Variants in WIPF2 observed in about 807,000 individuals in gnomAD.
The protein encoded by WIPF2 is WAS/WASL interacting protein family member 2, also known as WAS/WASL-interacting protein family member 2.
Under a neutral mutation model 38.8 loss-of-function variants are expected in WIPF2, and 23 were observed. That is an observed-to-expected ratio of 0.59 (90% CI 0.43 to 0.84). The LOEUF (loss-of-function observed/expected upper bound fraction) is 0.84. Among genes scored for constraint, WIPF2 ranks in the 40% least tolerant of loss-of-function variants. The pLI, the probability that WIPF2 is intolerant of heterozygous loss-of-function variation, is 0.00. For missense variants in WIPF2, 574 were observed against 580.5 expected (o/e 0.99, Z 0.11); for synonymous variants, 210 against 223.2 (o/e 0.94, Z 0.53).
chr17:40,267,524 G>C (rs929906520), intron 5 of WIPF2, among the ~76,000 whole-genome samples: 5 of 152,020 alleles, frequency 3.3e-5, no homozygotes, highest in Admixed American at 2.6e-4. Flanking sequence ...ACAGCTTCTT[G>C]GCCTTTATTT....
At chr17:40,252,644 A>G (rs903439089) in intron 1 of WIPF2, among the ~76,000 whole-genome samples, 4 of 151,490 alleles carry the variant, frequency 2.6e-5, no homozygotes, top group African/African-American at 9.7e-5. Context: ...AGCCTAGGCA[A>G]CAGAGACTCT....
At chr17:40,243,520 GT>G (rs897507856) in intron 1 of WIPF2, among the ~76,000 whole-genome samples, 25 of 146,684 alleles carry the variant, frequency 1.7e-4, no homozygotes, top group Admixed American at 8.2e-4. Flanking sequence ...GATTTTTCAG[GT>G]TTTTTTTTTT....
chr17:40,276,872 A>G (rs2032420187), intron 6 of WIPF2, among the ~76,000 whole-genome samples: 1 of 152,216 alleles, frequency 6.6e-6, no homozygotes, highest in African/African-American at 2.4e-5. Context: ...ACTACTTAGT[A>G]CAGAGAGGTT....
chr17:40,255,628 A>ATTTTT (rs1174598826), intron 1 of WIPF2, among the ~76,000 whole-genome samples: 1 of 129,378 alleles, frequency 7.7e-6, no homozygotes, highest in Non-Finnish European at 1.7e-5. Flanking sequence ...CCCGGCCTAA[A>ATTTTT]TTTTTTTTTT....
intron 5 of WIPF2, among the ~76,000 whole-genome samples, chr17:40,267,724 G>A (rs750865192): frequency 4.5e-4 from 69 of 152,146 alleles, no homozygotes; most frequent in Non-Finnish European, 8.1e-4. Context: ...ATTTTTAGTA[G>A]AAACGGGTTT....
chr17:40,276,483 C>T (rs1344967567), intron 6 of WIPF2, among the ~76,000 whole-genome samples: 12 of 140,890 alleles, frequency 8.5e-5, no homozygotes, highest in African/African-American at 2.9e-4. Flanking sequence ...ATCATGCCAC[C>T]GCACCCCAGT....
Position 40,256,493 on chromosome 17 carries a change from G to C in WIPF2, c.34G>C (p.Gly12Arg). 3 of 1,605,522 alleles carry C rather than the reference G, an allele frequency of 1.9e-6. No individual in the cohort carries two copies. Among genetic ancestry groups the C allele is most frequent in the Non-Finnish European group, 2.5e-6 (3 of 1,176,780 alleles). The change falls in exon 2 of 8, where the codon GGT (glycine) becomes CGT (arginine). Residue 12 changes from glycine (G) to arginine (R), a missense_variant. Transcript: ENST00000323571. ...TCCTCCTCCCCCGCCACCCCCACCT[G>C]GTCCTCCTCCACCTCCCACATTTCA... ...PIPPPPPPPP[G>R]PPPPPTFHQA...
chr17:40,262,063 T>G (rs1181794433), intron 3 of WIPF2, among the ~76,000 whole-genome samples: 1 of 139,716 alleles, frequency 7.2e-6, no homozygotes, highest in Admixed American at 7.8e-5. Flanking sequence ...TTCCTTTCTT[T>G]TCTTTTCTTT....
intron 2 of WIPF2, among the ~76,000 whole-genome samples, chr17:40,259,163 GC>G (rs386796980): frequency 1.3e-5 from 2 of 150,784 alleles, no homozygotes; most frequent in African/African-American, 4.9e-5. Flanking sequence ...ACAGGTGTGA[GC>G]CACTGTGCCG....
At chr17:40,239,691 CTTTTTTTT>C (rs748169841) in intron 1 of WIPF2, among the ~76,000 whole-genome samples, 1 of 107,178 alleles carries the variant, frequency 9.3e-6, no homozygotes, top group Non-Finnish European at 1.9e-5. Context: ...TTCAGCTTTT[CTTTTTTTT>C]TTTTTTTTTT....
chr17:40,226,697 G>A (rs2030506299), intron 1 of WIPF2, among the ~76,000 whole-genome samples: 2 of 152,254 alleles, frequency 1.3e-5, no homozygotes, highest in Middle Eastern at 3.4e-3. Flanking sequence ...TTAGAAATAA[G>A]AACAGAACTG....
chr17:40,219,368 TGGCGGCGGCGGCGGCGGCGGCGGC>T lies in WIPF2; in HGVS notation c.-186_-163del, dbSNP rs60253561. On this transcript the variant is annotated 5_prime_UTR_variant, in exon 1 of 8. Coordinates refer to ENST00000323571, the MANE Select transcript of WIPF2 (RefSeq NM_133264.5). ...ATTTCCGGGTTGGCAAAAGGGGCGG[TGGCGGCGGCGGCGGCGGCGGCGGC>T]GGCGGCGACGGCGAGAAAGAGCTTG... is the stretch of plus-strand genomic sequence containing the variant. 39 of 379,766 alleles carry T rather than the reference TGGCGGCGGCGGCGGCGGCGGCGGC, an allele frequency of 1.0e-4. No individual in the cohort carries two copies. Among genetic ancestry groups the T allele is most frequent in the African/African-American group, 2.3e-4 (10 of 42,838 alleles). The allele number at this position is 379,766 out of a possible 1,614,324, so 23.5% of individuals were successfully genotyped here. A position where few individuals can be genotyped will look rare whatever the true frequency, so the allele number is the denominator to read the frequency against.
At chr17:40,269,600 CTTTTTTTTTTT>C (rs1018733815) in intron 5 of WIPF2, among the ~76,000 whole-genome samples, 15 of 109,796 alleles carry the variant, frequency 1.4e-4, no homozygotes, top group African/African-American at 5.2e-4. Flanking sequence ...AAAACACTGT[CTTTTTTTTTTT>C]TTTTTTTTTT....
At chr17:40,232,054 C>T (rs1205704623) in intron 1 of WIPF2, among the ~76,000 whole-genome samples, 1 of 149,064 alleles carries the variant, frequency 6.7e-6, no homozygotes, top group Non-Finnish European at 1.5e-5. Context: ...GCTTTGTCAC[C>T]CAGGCTGGAG....
At chr17:40,263,277 A>G (rs1240848509) in intron 4 of WIPF2, among the ~76,000 whole-genome samples, 1 of 152,028 alleles carries the variant, frequency 6.6e-6, no homozygotes, top group East Asian at 1.9e-4. Flanking sequence ...TTAGAGTCTC[A>G]TAAGGGGCAT....
intron 1 of WIPF2, among the ~76,000 whole-genome samples, chr17:40,224,982 T>C (rs2030418746): frequency 6.6e-6 from 1 of 151,980 alleles, no homozygotes; most frequent in Admixed American, 6.6e-5. Context: ...AGAGTTCCGG[T>C]TGACTGACTG....
At position 40,220,913 on chromosome 17, in the gene WIPF2, C is replaced by G. The variant is rs1376659902; in HGVS notation, c.-70+1421C>G. 2.0e-5 allele frequency among the ~76,000 whole-genome samples: 3 copies of G among 151,300 alleles called. No homozygotes were observed. In the East Asian group the frequency reaches 5.8e-4, roughly 29 times the overall value. ...GCCTCAGCCTCCCGAGTAGCTGGGA[C>G]TATAGGTGCCCACCACCACACCTGG... is the stretch of plus-strand genomic sequence containing the variant. On this transcript the variant is annotated intron_variant, in intron 1 of 7. Coordinates refer to ENST00000323571, the MANE Select transcript of WIPF2 (RefSeq NM_133264.5).
rs1344171244 is a variant in WIPF2 at position 40,264,813 on chromosome 17, C to T, written c.637C>T (p.Pro213Ser). ...YNREKPLPPTPGQRLHPGREG... is the reference protein window; with the variant it reads ...YNREKPLPPTSGQRLHPGREG... ...CAGAGAGAAACCCTTGCCACCGACG[C>T]CTGGACAAAGGCTTCACCCTGGTCG... Residue 213 changes from proline (P) to serine (S), a missense_variant, in exon 5 of 8, where the codon CCT becomes TCT. Physicochemically the swap from Pro to Ser is moderately conservative, Grantham distance 74 (BLOSUM62 -1). Transcript: ENST00000323571. 1 of 1,613,892 alleles carries T rather than the reference C, an allele frequency of 6.2e-7. No individual in the cohort carries two copies. The highest frequency in any genetic ancestry group is 8.5e-7 in the Non-Finnish European group (1 of 1,179,922).
chr17:40,227,883 G>A (rs1357048400), intron 1 of WIPF2, among the ~76,000 whole-genome samples: 1 of 149,918 alleles, frequency 6.7e-6, no homozygotes, highest in Non-Finnish European at 1.5e-5. Flanking sequence ...GTTTGTTCCA[G>A]AGATACCAGG....
Sources: gnomAD v4.1 joint callset for allele counts (sites outside exome capture counted in the v4.1 genomes callset) on GRCh38, gnomAD v4.1.1 for gene constraint, MANE v1.5 for transcripts, NCBI Gene and HGNC (gene_info 2026-07-23, HGNC 2026-07-21) for gene names.